Variants in SEL1L3 observed in about 807,000 individuals in gnomAD.
SEL1L3 encodes the protein protein sel-1 homolog 3.
Under a neutral mutation model 142.8 loss-of-function variants are expected in SEL1L3, and 76 were observed. That is an observed-to-expected ratio of 0.53 (90% CI 0.44 to 0.64). The LOEUF is 0.64. SEL1L3 is among the 30% of genes least tolerant of loss of function. SEL1L3 has a pLI of 0.00. For missense variants in SEL1L3, 1,262 were observed against 1,381.7 expected (o/e 0.91, Z 1.37); for synonymous variants, 504 against 519.6 (o/e 0.97, Z 0.41).
intron 1 of SEL1L3, among the ~76,000 whole-genome samples, chr4:25,862,333 G>T (rs1319544697): frequency 6.6e-6 from 1 of 151,366 alleles, no homozygotes; most frequent in Non-Finnish European, 1.5e-5. Context: ...TGGAGACTGC[G>T]CGCGGCGGGG....
rs150955265 is a variant in SEL1L3 at position 25,850,726 on chromosome 4, A to G, written c.163-2862T>C. Among the ~76,000 whole-genome samples, 36 of 152,344 alleles carry G rather than the reference A, an allele frequency of 2.4e-4. No individual in the cohort carries two copies. The East Asian group carries it at 6.0e-3, about 25-fold the overall frequency. On this transcript the variant is annotated intron_variant, in intron 1 of 23. Transcript: ENST00000399878. ...TTAAATAAAAATAGTACATCCACTC[A>G]TGGAGTACCATACAGCTATTAAAAG...
At position 25,748,699 on chromosome 4, in the gene SEL1L3, A is replaced by G. The variant is rs1717401721; in HGVS notation, c.3260-135T>C. ...GAACCTGACACTAACTAGCCAGGCA[A>G]CTCTGGACCCGTTATCTAAGTTTAA... On this transcript the variant is annotated intron_variant, in intron 23 of 23. Transcript: ENST00000399878. The G allele has an allele frequency of 3.8e-6, 3 of 788,912 alleles. No homozygotes were observed. In the East Asian group the frequency reaches 8.4e-5, roughly 22 times the overall value. 48.9% of individuals were successfully genotyped at this position (788,912 alleles called of 1,614,324 possible).
At chr4:25,724,310 T>C in the SEL1L3 span, among the ~76,000 whole-genome samples, 1 of 151,984 alleles carries the variant, frequency 6.6e-6, no homozygotes, top group Non-Finnish European at 1.5e-5. Flanking sequence ...TCCCAGCTAC[T>C]TAGGGGGCTG....
chr4:25,742,281 G>A, the SEL1L3 span, among the ~76,000 whole-genome samples: 1 of 151,998 alleles, frequency 6.6e-6, no homozygotes, highest in African/African-American at 2.4e-5. Context: ...GATCTTCTGG[G>A]CTCAAGCAAT....
At chr4:25,855,291 G>C (rs1320834410) in intron 1 of SEL1L3, among the ~76,000 whole-genome samples, 3 of 152,342 alleles carry the variant, frequency 2.0e-5, no homozygotes, top group Admixed American at 6.5e-5. Context: ...CACGTGTCCA[G>C]CCTTCATAGG....
At position 25,832,874 on chromosome 4, in the gene SEL1L3, C is replaced by T. The variant is rs182529952; in HGVS notation, c.1098+121G>A. On this transcript the variant is annotated intron_variant, in intron 5 of 23. Transcript: ENST00000399878. The stretch of plus-strand genomic sequence containing the variant: ...TGATTTAGCAAGCGTGTAGTTGTAA[C>T]GAGTCTATCATTTACCACAAATTTG... The T allele has an allele frequency of 4.4e-5, 28 of 631,744 alleles. No homozygotes were observed. The Admixed American group carries it at 5.2e-4, about 12-fold the overall frequency. 39.1% of individuals were successfully genotyped at this position (631,744 alleles called of 1,614,324 possible).
At chr4:25,715,061 A>G in the SEL1L3 span, among the ~76,000 whole-genome samples, 1 of 152,334 alleles carries the variant, frequency 6.6e-6, no homozygotes, top group Non-Finnish European at 1.5e-5. Flanking sequence ...AACAAGAAAG[A>G]ACATTTTCAA....
At chr4:25,714,863 C>T in the SEL1L3 span, among the ~76,000 whole-genome samples, 147 of 152,040 alleles carry the variant, frequency 9.7e-4, no homozygotes, top group African/African-American at 3.4e-3. Context: ...TGAGCCACCG[C>T]GCCCTGCCAA....
intron 10 of SEL1L3, among the ~76,000 whole-genome samples, chr4:25,802,900 C>A (rs976951453): frequency 6.6e-6 from 1 of 152,190 alleles, no homozygotes; most frequent in African/African-American, 2.4e-5. Flanking sequence ...GGGAAAAAAG[C>A]CAATCTAGCT....
At chr4:25,734,057 G>C in the SEL1L3 span, among the ~76,000 whole-genome samples, 2 of 151,912 alleles carry the variant, frequency 1.3e-5, 1 homozygote, top group South Asian at 4.2e-4. Context: ...TCTCGCTCTG[G>C]CTGTCGCCCA....
downstream of SEL1L3, among the ~76,000 whole-genome samples, chr4:25,746,523 TA>T (rs1717271705): frequency 7.2e-6 from 1 of 138,232 alleles, no homozygotes; most frequent in Admixed American, 7.2e-5. Context: ...TATATATATA[TA>T]TATTTAAATA....
chr4:25,833,020 A>G lies in SEL1L3; in HGVS notation c.1073T>C (p.Leu358Pro). Reference protein sequence around the residue: ...FIIPLKEWFRLDISFNGGQIV... With the variant: ...FIIPLKEWFRPDISFNGGQIV... The stretch of plus-strand genomic sequence containing the variant: ...CTGGCCTCCGTTAAAAGAGATATCC[A>G]GTCGAAACCACTCCTTCAAAGGTAT... Residue 358 changes from leucine (L) to proline (P), a missense_variant, in exon 5 of 24, where the codon CTG (leucine) becomes CCG (proline). By Grantham distance (98) the Leu-to-Pro change is moderately conservative. This residue lies in a region of SEL1L3 where 689 missense variants were observed against 692.8 expected (regional missense o/e 0.99). Coordinates refer to ENST00000399878, the MANE Select transcript of SEL1L3 (RefSeq NM_015187.5). The G allele has an allele frequency of 6.2e-7, 1 of 1,607,686 alleles. No individual in the cohort carries two copies.
At chr4:25,806,326 C>G (rs1395982572) in intron 9 of SEL1L3, among the ~76,000 whole-genome samples, 4 of 151,622 alleles carry the variant, frequency 2.6e-5, no homozygotes, top group South Asian at 2.1e-4. Context: ...CTTGAGCCAC[C>G]GCGCCCGGCA....
At position 25,862,874 on chromosome 4, in the gene SEL1L3, T is replaced by C. The variant is rs1042149710; in HGVS notation, c.-38A>G. The C allele has an allele frequency of 2.8e-6, 3 of 1,070,272 alleles. No individual in the cohort carries two copies. Among genetic ancestry groups the C allele is most frequent in the East Asian group, 6.6e-5 (1 of 15,064 alleles). The allele number at this position is 1,070,272 out of a possible 1,614,324, so 66.3% of individuals were successfully genotyped here. A position where few individuals can be genotyped will look rare whatever the true frequency, so the allele number is the denominator to read the frequency against. Reference sequence around the variant, plus strand: ...CGGATCCGGGCCGGAACAGGTCACCTGGTGCAGGGACCGGCCCCCGCCCGA... The same window carrying C: ...CGGATCCGGGCCGGAACAGGTCACCCGGTGCAGGGACCGGCCCCCGCCCGA... On this transcript the variant is annotated 5_prime_UTR_variant, in exon 1 of 24. Transcript: ENST00000399878.
At chr4:25,727,496 A>G in the SEL1L3 span, among the ~76,000 whole-genome samples, 476 of 152,270 alleles carry the variant, frequency 3.1e-3, 2 homozygotes, top group Non-Finnish European at 5.2e-3. Flanking sequence ...TTCATCTAAA[A>G]TGGTTACTGA....
chr4:25,736,265 T>G, the SEL1L3 span, among the ~76,000 whole-genome samples: 2 of 120,192 alleles, frequency 1.7e-5, no homozygotes, highest in African/African-American at 5.8e-5. Context: ...CTCTTGTTGC[T>G]CAGGCTGGAG....
At chr4:25,834,140 G>C (rs1042876533) in intron 3 of SEL1L3, among the ~76,000 whole-genome samples, 1 of 152,080 alleles carries the variant, frequency 6.6e-6, no homozygotes, top group Non-Finnish European at 1.5e-5. Flanking sequence ...TGACCAATAC[G>C]GAACAATTAA....
At chr4:25,848,487 A>G (rs117628531) in intron 1 of SEL1L3, among the ~76,000 whole-genome samples, 2 of 152,364 alleles carry the variant, frequency 1.3e-5, no homozygotes, top group South Asian at 4.1e-4. Context: ...TTCACCACAG[A>G]CAATGCTACA....
intron 9 of SEL1L3, among the ~76,000 whole-genome samples, chr4:25,810,850 T>C (rs1338723560): frequency 6.6e-6 from 1 of 152,200 alleles, no homozygotes; most frequent in Non-Finnish European, 1.5e-5. Flanking sequence ...GCCACATCTA[T>C]ATGCGCTGCA....
Sources: gnomAD v4.1 joint callset for allele counts (sites outside exome capture counted in the v4.1 genomes callset) on GRCh38, gnomAD v4.1.1 for gene constraint, gnomAD v4.1.1 regional missense constraint, MANE v1.5 for transcripts, NCBI Gene and HGNC (gene_info 2026-07-23, HGNC 2026-07-21) for gene names.